The following SMARCE1 variants were observed in gnomAD, a reference collection of about 807,000 sequenced individuals.
The protein encoded by SMARCE1 is SWI/SNF-related matrix-associated actin-dependent regulator of chromatin subfamily E member 1.
In SMARCE1, 13 loss-of-function variants were observed where a neutral mutation model predicts 54.9. The ratio of observed to expected loss-of-function variants is 0.24; its 90% CI spans 0.15 to 0.38. The LOEUF (loss-of-function observed/expected upper bound fraction) is 0.38. Among genes scored for constraint, SMARCE1 ranks in the 10% least tolerant of loss-of-function variants. SMARCE1 has a pLI of 1.00. For synonymous variants in SMARCE1, 151 were observed against 175.3 expected (o/e 0.86, Z 1.10); for missense variants, 295 against 523.8 (o/e 0.56, Z 4.26).
At chr17:40,639,472 TA>T (rs2037176397) in intron 4 of SMARCE1, among the ~76,000 whole-genome samples, 1 of 152,206 alleles carries the variant, frequency 6.6e-6, no homozygotes, top group Non-Finnish European at 1.5e-5. Flanking sequence ...CGAGCTTTAA[TA>T]TGAATTAAAA....
chr17:40,642,594 G>C lies in SMARCE1; in HGVS notation c.52-35C>G. Reference sequence around the variant, plus strand: ...ACAAATGAGACAAAAACACGAATGAGAAATGAGCTCAAACGAGGAAAACAC... The same window carrying C: ...ACAAATGAGACAAAAACACGAATGACAAATGAGCTCAAACGAGGAAAACAC... On this transcript the variant is annotated intron_variant, in intron 3 of 10. Coordinates refer to ENST00000348513, the MANE Select transcript of SMARCE1 (RefSeq NM_003079.5). This position sits in a 1 kb window ranked among gnomAD's most constrained non-coding sequence, Gnocchi z 4.6. 1 of 1,282,564 alleles carries C rather than the reference G, an allele frequency of 7.8e-7. No homozygotes were observed. The highest frequency in any genetic ancestry group is 1.1e-6 in the Non-Finnish European group (1 of 885,748). The allele number at this position is 1,282,564 out of a possible 1,614,324, so 79.4% of individuals were successfully genotyped here.
chr17:40,633,417 TTAATA>T (rs537470284), intron 7 of SMARCE1: 4 of 152,194 alleles, frequency 2.6e-5, no homozygotes, highest in Non-Finnish European at 5.9e-5. Context: ...TATCGTTTAC[TTAATA>T]TTTTTCTTTA....
At chr17:40,645,747 A>G (rs1314136865) in intron 2 of SMARCE1, 49 bp downstream of exon 2, 2 of 1,089,640 alleles carry the variant, frequency 1.8e-6, no homozygotes, top group Non-Finnish European at 2.6e-6. Context: ...TTGCTAGGGC[A>G]TTAGTCTCTT....
chr17:40,629,000 T>C lies in SMARCE1; in HGVS notation c.1028-7A>G. ...TCTTCAAGGTGTGTCTCCTCTGTAA[T>C]CACACATTTGTCACTGTCAGTTCCA... On this transcript the variant is annotated splice_region_variant and splice_polypyrimidine_tract_variant and intron_variant, in intron 10 of 10. Coordinates refer to ENST00000348513, the MANE Select transcript of SMARCE1 (RefSeq NM_003079.5). 1.2e-6 allele frequency: 2 copies of C among 1,611,122 alleles called. No homozygotes were observed. Among genetic ancestry groups the C allele is most frequent in the Non-Finnish European group, 1.7e-6 (2 of 1,177,446 alleles).
intron 4 of SMARCE1, chr17:40,640,972 C>T (rs1334288167): frequency 6.6e-6 from 1 of 152,166 alleles, no homozygotes; most frequent in Non-Finnish European, 1.5e-5. Flanking sequence ...ACAGCTACAT[C>T]CAAGTTAAGA....
chr17:40,638,048 A>C (rs2037162727), intron 4 of SMARCE1, among the ~76,000 whole-genome samples: 1 of 152,178 alleles, frequency 6.6e-6, no homozygotes. Context: ...ACCACCACAA[A>C]AACAACTTCC....
rs2144019262 is a variant in SMARCE1, at chr17:40,647,784, A to G, written c.-57T>C. On this transcript the variant is annotated 5_prime_UTR_variant, in exon 1 of 11. Coordinates refer to ENST00000348513, the MANE Select transcript of SMARCE1 (RefSeq NM_003079.5). ...TTGGAAACACTCACCCGCGGGCAGAAAAAGCGCCCGCAGCTCCGGCTTCGC... is the reference window on the plus strand; with the variant it reads ...TTGGAAACACTCACCCGCGGGCAGAGAAAGCGCCCGCAGCTCCGGCTTCGC... The G allele has an allele frequency of 6.5e-6, 1 of 153,776 alleles. No homozygotes were observed. Among genetic ancestry groups the G allele is most frequent in the South Asian group, 2.1e-4 (1 of 4,824 alleles). 9.5% of individuals were successfully genotyped at this position (153,776 alleles called of 1,614,324 possible). A position where few individuals can be genotyped will look rare whatever the true frequency, so the allele number is the denominator to read the frequency against.
chr17:40,640,329 A>T (rs541688438), intron 4 of SMARCE1, among the ~76,000 whole-genome samples: 1 of 152,326 alleles, frequency 6.6e-6, no homozygotes, highest in African/African-American at 2.4e-5. Context: ...AGTGAATTCC[A>T]TCTTGTAGCT....
intron 3 of SMARCE1, chr17:40,644,963 G>C (rs1434073841): frequency 6.6e-6 from 1 of 152,200 alleles, no homozygotes; most frequent in African/African-American, 2.4e-5. Flanking sequence ...TGCTGACCAA[G>C]CTGGGCCAGA....
At chr17:40,635,870 G>T in intron 7 of SMARCE1, 61 bp downstream of exon 7, 2 of 1,210,868 alleles carry the variant, frequency 1.7e-6, no homozygotes, top group Non-Finnish European at 2.3e-6. Context: ...ATACTTAAGA[G>T]ATTTCTCATA....
chr17:40,636,776 G>C, intron 5 of SMARCE1: 1 of 329,742 alleles, frequency 3.0e-6, no homozygotes, highest in South Asian at 5.0e-5. Flanking sequence ...AATTTGATAA[G>C]CAAGAATATC....
intron 1 of SMARCE1, among the ~76,000 whole-genome samples, chr17:40,646,696 C>T (rs533744903): frequency 2.2e-4 from 34 of 152,246 alleles, no homozygotes; most frequent in African/African-American, 8.2e-4. Flanking sequence ...CATCAACATA[C>T]ATCACAAATA....
At chr17:40,644,954 G>A (rs2037239381) in intron 3 of SMARCE1, 1 of 152,164 alleles carries the variant, frequency 6.6e-6, no homozygotes, top group Admixed American at 6.5e-5. Context: ...TATTTTACAT[G>A]CTGACCAAGC....
chr17:40,630,852 G>C lies in SMARCE1; in HGVS notation c.889C>G (p.Arg297Gly), dbSNP rs562702157. 13 of 1,613,782 alleles carry C rather than the reference G, an allele frequency of 8.1e-6. No homozygotes were observed. The highest frequency in any genetic ancestry group is 1.0e-5 in the Non-Finnish European group (12 of 1,179,974). Residue 297 changes from arginine to glycine, a missense_variant, in exon 10 of 11, where the codon CGC becomes GGC. Physicochemically the swap from Arg to Gly is moderately radical, Grantham distance 125. Transcript: ENST00000348513. Reference protein sequence around the residue: ...AEIAQAEEQARKRQEEREKEA... With the variant: ...AEIAQAEEQAGKRQEEREKEA... ...TTCTCCCTTTCCTCCTGCCTTTTGC[G>C]GGCCTGTTCCTCTGCCTGTGCAATC...
At chr17:40,629,976 T>C (rs16966017) in intron 10 of SMARCE1, 1 of 380,984 alleles carries the variant, frequency 2.6e-6, no homozygotes, top group African/African-American at 2.1e-5. Context: ...ATGGTTGTCA[T>C]CTGAGTACCA....
intron 7 of SMARCE1, chr17:40,634,818 TTC>T (rs1454268161): frequency 1.3e-5 from 2 of 152,194 alleles, no homozygotes; most frequent in Non-Finnish European, 2.9e-5. Flanking sequence ...CTGGATTGTC[TTC>T]TGATTTTTAG....
intron 3 of SMARCE1, chr17:40,644,076 T>C (rs993777211): frequency 6.6e-6 from 1 of 152,386 alleles, no homozygotes; most frequent in African/African-American, 2.4e-5. Flanking sequence ...TTTTAATCCC[T>C]AGTCTTCTAT....
intron 4 of SMARCE1, chr17:40,641,103 G>C (rs1005268123): frequency 2.6e-5 from 4 of 152,128 alleles, no homozygotes; most frequent in African/African-American, 9.7e-5. Flanking sequence ...AATCATTCTT[G>C]TTTACTGCCC....
chr17:40,630,484 G>A (rs2037081982), intron 10 of SMARCE1: 2 of 627,064 alleles, frequency 3.2e-6, no homozygotes, highest in South Asian at 4.0e-5. Context: ...GCAGAATGCT[G>A]TCCTAGGACA....
Sources: gnomAD v4.1 joint callset for allele counts (sites outside exome capture counted in the v4.1 genomes callset) on GRCh38, gnomAD v4.1.1 for gene constraint, Gnocchi (gnomAD v3.1) non-coding constraint, MANE v1.5 for transcripts, NCBI Gene and HGNC (gene_info 2026-07-23, HGNC 2026-07-21) for gene names.